ZNF701: variants seen among roughly 807,000 people sequenced by gnomAD.
ZNF701 encodes zinc finger protein 701.
ZNF701 carries 6 observed loss-of-function variants against 7.1 expected under a neutral mutation model. The observed-to-expected ratio is 0.84, with a 90% CI of 0.46 to 1.66. ZNF701 has a LOEUF of 1.66. Ranked by LOEUF, ZNF701 falls within the 40% of genes most tolerant of loss-of-function variation. The probability of loss-of-function intolerance (pLI) is 0.01; values close to 1 mark genes in which losing one functional copy is unlikely to be tolerated. For missense variants in ZNF701, 541 were observed against 559.2 expected, an observed-to-expected ratio of 0.97 and a Z score of 0.33; for synonymous variants, 166 against 188.2, an observed-to-expected ratio of 0.88 and a Z score of 0.97.
chr19:52,594,169 C>T, the ZNF701 span: 145 of 120,482 alleles, frequency 1.2e-3, 33 homozygotes, highest in Non-Finnish European at 5.2e-4. Context: ...AATACGAAAA[C>T]CAGTCAGGCG....
chr19:52,594,654 C>T, the ZNF701 span, among the ~76,000 whole-genome samples: 29 of 152,074 alleles, frequency 1.9e-4, no homozygotes, highest in Non-Finnish European at 3.2e-4. Flanking sequence ...GCTGGGATTA[C>T]AGGCATGTGC....
At chr19:52,593,133 A>G in the ZNF701 span, among the ~76,000 whole-genome samples, 1 of 118,170 alleles carries the variant, frequency 8.5e-6, no homozygotes, top group Admixed American at 8.7e-5. Context: ...AGGCAGAAGA[A>G]TTTTTCTTAG....
intron 3 of ZNF701, among the ~76,000 whole-genome samples, chr19:52,576,633 G>C (rs375676265): frequency 2.2e-4 from 33 of 151,904 alleles, no homozygotes; most frequent in African/African-American, 8.0e-4. Context: ...GTTCTTGGAA[G>C]AGAGCTTGAT....
At chr19:52,593,448 G>A in the ZNF701 span, among the ~76,000 whole-genome samples, 13 of 114,346 alleles carry the variant, frequency 1.1e-4, 4 homozygotes, top group African/African-American at 1.7e-4. Context: ...GCGGCTGGCC[G>A]GGCAGAGGGG....
In ZNF701 at chr19:52,586,456, A is replaced by C. The variant is rs1006330809; in HGVS notation, c.*2999A>C. 6.6e-6 allele frequency: 1 copy of C among 152,040 alleles called. No homozygotes were observed. The allele number at this position is 152,040 out of a possible 1,614,324, so 9.4% of individuals were successfully genotyped here. A position where few individuals can be genotyped will look rare whatever the true frequency, so the allele number is the denominator to read the frequency against. The stretch of plus-strand genomic sequence containing the variant: ...CTCTATCCAGGAGACGGGTTTCACC[A>C]TTTTGCCAGGTTTGTCTCAAACTCC... On this transcript the variant is annotated 3_prime_UTR_variant, in exon 4 of 4. Coordinates refer to ENST00000391785, the MANE Select transcript of ZNF701 (RefSeq NM_018260.3).
Position 52,583,560 on chromosome 19 carries a change from G to A in ZNF701, c.*103G>A. 6.4e-7 allele frequency: 1 copy of A among 1,551,938 alleles called. No individual in the cohort carries two copies. The highest frequency in any genetic ancestry group is 1.7e-5 in the Admixed American group (1 of 59,278). On this transcript the variant is annotated 3_prime_UTR_variant, in exon 4 of 4. Transcript: ENST00000391785. ...TACAAATGTGAAGAATGTGACAAAA[G>A]TTTTCAATTTCAAATCACTCCTTGA...
downstream of ZNF701, among the ~76,000 whole-genome samples, chr19:52,588,078 T>A (rs144455213): frequency 3.2e-3 from 483 of 152,328 alleles, 2 homozygotes; most frequent in African/African-American, 0.011. Context: ...TCCTGTGGGA[T>A]GTCCTTATGT....
chr19:52,571,103 GAAA>G (rs35595336), intron 1 of ZNF701, among the ~76,000 whole-genome samples: 3 of 147,740 alleles, frequency 2.0e-5, no homozygotes, highest in Non-Finnish European at 3.0e-5. Flanking sequence ...CAGCAAAAGT[GAAA>G]AAAAAAAGAT....
chr19:52,576,703 C>T (rs192886591), intron 3 of ZNF701, among the ~76,000 whole-genome samples: 1 of 150,446 alleles, frequency 6.6e-6, no homozygotes, highest in Non-Finnish European at 1.5e-5. Flanking sequence ...GTCAGTGGAG[C>T]AATTAGTAAA....
chr19:52,574,256 G>C, intron 2 of ZNF701, 94 bp downstream of exon 2: 2 of 1,558,498 alleles, frequency 1.3e-6, no homozygotes, highest in Non-Finnish European at 1.8e-6. Context: ...CAAGTGTCCT[G>C]CCTGACAGGT....
chr19:52,596,917 C>T, the ZNF701 span: 44 of 565,590 alleles, frequency 7.8e-5, no homozygotes, highest in Non-Finnish European at 1.5e-4. Flanking sequence ...GGAGAGAAAC[C>T]TTACAAGTGT....
chr19:52,575,595 G>A, intron 2 of ZNF701: 1 of 352,324 alleles, frequency 2.8e-6, no homozygotes, highest in Non-Finnish European at 5.5e-6. Flanking sequence ...CCACCATCAA[G>A]GTCAAGCCGT....
At chr19:52,596,539 G>T in the ZNF701 span, 2 of 407,858 alleles carry the variant, frequency 4.9e-6, no homozygotes, top group Admixed American at 3.2e-5. Context: ...TGTTACACAT[G>T]TAACGAATGT....
the ZNF701 span, chr19:52,595,920 C>T: frequency 1.2e-6 from 2 of 1,613,030 alleles, no homozygotes; most frequent in Admixed American, 1.7e-5. Flanking sequence ...TCGCATCTGC[C>T]TGAACTCCAC....
intron 2 of ZNF701, 69 bp downstream of exon 2, chr19:52,574,231 ATCT>A: frequency 6.3e-7 from 1 of 1,587,440 alleles, no homozygotes; most frequent in Non-Finnish European, 8.6e-7. Context: ...GGAGTTGGGA[ATCT>A]TCTCTGAGTC....
intron 3 of ZNF701, among the ~76,000 whole-genome samples, chr19:52,578,253 CAAAAAAAAA>C (rs58385761): frequency 3.2e-4 from 13 of 40,924 alleles, no homozygotes; most frequent in African/African-American, 1.1e-3. Flanking sequence ...GACTCCGTCT[CAAAAAAAAA>C]AAAAAAAAAA....
rs549819966 is a variant in ZNF701 at position 52,581,308 on chromosome 19, C to G, written c.143-894C>G. On this transcript the variant is annotated intron_variant, in intron 3 of 3. Coordinates refer to ENST00000391785, the MANE Select transcript of ZNF701 (RefSeq NM_018260.3). ...AATCTCAGCTCACCACAATCTTGGCCTCGCGGGTTCAAGCAATTCTCCTTC... is the reference window on the plus strand; with the variant it reads ...AATCTCAGCTCACCACAATCTTGGCGTCGCGGGTTCAAGCAATTCTCCTTC... Among the ~76,000 whole-genome samples, 289 of 152,176 alleles carry G rather than the reference C, an allele frequency of 1.9e-3. 4 individuals carry two copies. Among genetic ancestry groups the G allele is most frequent in the Non-Finnish European group, 3.2e-3 (218 of 68,008 alleles).
In ZNF701 at chr19:52,584,063, CCTTTA is replaced by C. The variant is rs1334178106; in HGVS notation, c.*610_*614del. 12 of 450,560 alleles carry C rather than the reference CCTTTA, an allele frequency of 2.7e-5. No homozygotes were observed. Among genetic ancestry groups the C allele is most frequent in the East Asian group, 6.5e-5 (1 of 15,418 alleles). The allele number at this position is 450,560 out of a possible 1,614,324, so 27.9% of individuals were successfully genotyped here. ...ACAAGTGTGATGATTGTGAGCAAAG[CCTTTA>C]CTTCACGTTCACACCACATTAGATA... is the stretch of plus-strand genomic sequence containing the variant. On this transcript the variant is annotated 3_prime_UTR_variant, in exon 4 of 4. Transcript: ENST00000391785.
At chr19:52,590,631 C>G (rs922258327), downstream of ZNF701, among the ~76,000 whole-genome samples, 1 of 151,988 alleles carries the variant, frequency 6.6e-6, no homozygotes, top group African/African-American at 2.4e-5. Context: ...CTCACTGTGT[C>G]CCTCAGGCTG....
Sources: allele counts gnomAD v4.1 joint callset (sites outside exome capture counted in the v4.1 genomes callset), GRCh38; gene constraint gnomAD v4.1.1; transcripts MANE v1.5; gene names NCBI Gene and HGNC (gene_info 2026-07-23, HGNC 2026-07-21).